Variants in ENTREP2 observed in about 807,000 individuals in gnomAD.
ENTREP2 encodes the protein protein ENTREP2.
At chr15:29,471,703 G>C in the ENTREP2 span, among the ~76,000 whole-genome samples, 8 of 152,338 alleles carry the variant, frequency 5.3e-5, no homozygotes, top group African/African-American at 1.9e-4. Context: ...CCGCCAGTAG[G>C]ACAGCACACC....
the ENTREP2 span, among the ~76,000 whole-genome samples, chr15:29,351,564 T>C: frequency 4.6e-5 from 7 of 152,158 alleles, no homozygotes; most frequent in African/African-American, 1.4e-4. Context: ...TGATTAACAA[T>C]ATCAATAGCA....
chr15:29,668,257 T>A, the ENTREP2 span, among the ~76,000 whole-genome samples: 6 of 152,256 alleles, frequency 3.9e-5, no homozygotes, highest in East Asian at 1.2e-3. Context: ...CTATTGCCAG[T>A]CCGGGGAAAC....
the ENTREP2 span, among the ~76,000 whole-genome samples, chr15:29,211,442 G>A: frequency 0.066 from 10,032 of 152,214 alleles, 963 homozygotes; most frequent in African/African-American, 0.21. Flanking sequence ...AATTCTTTAG[G>A]ACAAATCGTT....
chr15:29,429,127 A>G, the ENTREP2 span, among the ~76,000 whole-genome samples: 15,832 of 152,054 alleles, frequency 0.1, 1,016 homozygotes, highest in East Asian at 0.32. Context: ...CCATCCGTCC[A>G]TTCATCTATC....
the ENTREP2 span, among the ~76,000 whole-genome samples, chr15:29,158,910 T>C: frequency 6.6e-6 from 1 of 152,204 alleles, no homozygotes; most frequent in South Asian, 2.1e-4. Context: ...ATAAATTATT[T>C]TGAAAATCTC....
At chr15:29,495,454 A>G in the ENTREP2 span, among the ~76,000 whole-genome samples, 10 of 152,176 alleles carry the variant, frequency 6.6e-5, no homozygotes, top group African/African-American at 2.4e-4. Context: ...GTAATATTCA[A>G]AACATCACTG....
At chr15:29,263,009 G>A in the ENTREP2 span, among the ~76,000 whole-genome samples, 6 of 152,300 alleles carry the variant, frequency 3.9e-5, no homozygotes, top group South Asian at 2.1e-4. Context: ...GAGGAAAAAC[G>A]AAGTTTGAGA....
At chr15:29,300,221 T>C in the ENTREP2 span, among the ~76,000 whole-genome samples, 1 of 142,576 alleles carries the variant, frequency 7.0e-6, no homozygotes, top group African/African-American at 2.7e-5. Context: ...GGTGTACAGA[T>C]GGATAAGTGG....
At chr15:29,525,749 A>G in the ENTREP2 span, among the ~76,000 whole-genome samples, 1 of 152,234 alleles carries the variant, frequency 6.6e-6, no homozygotes, top group Non-Finnish European at 1.5e-5. Context: ...GAGGGGTATC[A>G]CAAGATGAAG....
the ENTREP2 span, among the ~76,000 whole-genome samples, chr15:29,534,315 G>C: frequency 6.6e-6 from 1 of 152,016 alleles, no homozygotes; most frequent in South Asian, 2.1e-4. Context: ...GGAGATATTG[G>C]ATTTAGACTT....
At chr15:29,355,580 G>T in the ENTREP2 span, among the ~76,000 whole-genome samples, 2 of 151,860 alleles carry the variant, frequency 1.3e-5, no homozygotes, top group Non-Finnish European at 2.9e-5. Context: ...TTCCAGAGAA[G>T]AGCCCAGAAC....
the ENTREP2 span, among the ~76,000 whole-genome samples, chr15:29,328,768 C>T: frequency 2.8e-4 from 42 of 152,102 alleles, no homozygotes; most frequent in Non-Finnish European, 4.1e-4. Flanking sequence ...GACTGATCCA[C>T]GCTGTAAAGG....
the ENTREP2 span, among the ~76,000 whole-genome samples, chr15:29,640,549 C>A: frequency 2.6e-5 from 4 of 151,948 alleles, no homozygotes; most frequent in Non-Finnish European, 4.4e-5. Context: ...GTAGACCCAG[C>A]TACTCTGGGA....
At chr15:29,549,375 T>TGC in the ENTREP2 span, among the ~76,000 whole-genome samples, 1 of 151,940 alleles carries the variant, frequency 6.6e-6, no homozygotes. Flanking sequence ...GTTCACACCA[T>TGC]TCTCCTGCCT....
At chr15:29,126,034 G>A in the ENTREP2 span, among the ~76,000 whole-genome samples, 24 of 152,300 alleles carry the variant, frequency 1.6e-4, no homozygotes, top group African/African-American at 5.1e-4. Flanking sequence ...TGGGCCCCGG[G>A]CCCCTTGAAT....
the ENTREP2 span, among the ~76,000 whole-genome samples, chr15:29,670,803 T>C: frequency 1.3e-5 from 2 of 152,306 alleles, no homozygotes; most frequent in East Asian, 3.9e-4. Flanking sequence ...ATGTGAAGCA[T>C]GGTGATACAA....
the ENTREP2 span, among the ~76,000 whole-genome samples, chr15:29,125,918 C>A: frequency 6.6e-6 from 1 of 152,196 alleles, no homozygotes; most frequent in Non-Finnish European, 1.5e-5. Context: ...CTGATGACAC[C>A]CCCATGCCCA....
the ENTREP2 span, among the ~76,000 whole-genome samples, chr15:29,620,099 T>A: frequency 1.3e-5 from 2 of 152,124 alleles, no homozygotes; most frequent in Admixed American, 1.3e-4. Flanking sequence ...TTAGAGTTTA[T>A]GTACGTTTTT....
chr15:29,492,902 G>A, the ENTREP2 span, among the ~76,000 whole-genome samples: 1 of 151,514 alleles, frequency 6.6e-6, no homozygotes, highest in Non-Finnish European at 1.5e-5. Context: ...TATTCAGGAG[G>A]TTGAGGCAGG....
Sources: allele counts gnomAD v4.1 joint callset (sites outside exome capture counted in the v4.1 genomes callset), GRCh38; gene constraint gnomAD v4.1.1; transcripts MANE v1.5; gene names NCBI Gene and HGNC (gene_info 2026-07-23, HGNC 2026-07-21).